Variants in ARG2 observed in about 807,000 individuals in gnomAD.
ARG2 encodes the protein arginase-2, mitochondrial.
A neutral mutation model predicts 39.4 loss-of-function variants in ARG2; 21 were observed. The observed-to-expected ratio is 0.53, with a 90% CI of 0.38 to 0.77. The LOEUF (loss-of-function observed/expected upper bound fraction) is 0.77. ARG2 is among the 30% of genes least tolerant of loss of function. ARG2 has a pLI of 0.00. For missense variants in ARG2, 378 were observed against 426.2 expected (o/e 0.89, Z 1.00); for synonymous variants, 150 against 156.7 (o/e 0.96, Z 0.32).
intron 3 of ARG2, 49 bp downstream of exon 3, chr14:67,642,412 G>T: frequency 6.3e-7 from 1 of 1,588,976 alleles, no homozygotes; most frequent in African/African-American, 1.3e-5. Flanking sequence ...ATGGTGCTTG[G>T]GGCTCATAAC....
At chr14:67,638,584 A>C (rs146527205) in intron 2 of ARG2, among the ~76,000 whole-genome samples, 2 of 152,260 alleles carry the variant, frequency 1.3e-5, no homozygotes, top group Non-Finnish European at 2.9e-5. Context: ...CATTGTCCCA[A>C]GTCCTTACCT....
chr14:67,625,248 G>A (rs2036851548), intron 2 of ARG2, among the ~76,000 whole-genome samples: 1 of 152,050 alleles, frequency 6.6e-6, no homozygotes, highest in Admixed American at 6.6e-5. Context: ...CCATATAACT[G>A]TTAGAGAACA....
Position 67,647,994 on chromosome 14 carries a change from G to A in ARG2, c.723-53G>A. ...AACCATAAGAAGGATGAGTGTCCAA[G>A]GACAACCAGTTAAGTATTATTTTAA... On this transcript the variant is annotated intron_variant, in intron 6 of 7. Transcript: ENST00000261783. 2.0e-6 allele frequency: 3 copies of A among 1,511,396 alleles called. No homozygotes were observed. The South Asian group carries it at 3.6e-5, about 18-fold the overall frequency. The allele number at this position is 1,511,396 out of a possible 1,614,324, so 93.6% of individuals were successfully genotyped here.
At chr14:67,646,762 G>C (rs776423768) in intron 5 of ARG2, 24 bp downstream of exon 5, 1 of 1,578,442 alleles carries the variant, frequency 6.3e-7, no homozygotes, top group South Asian at 1.1e-5. Context: ...TTTGGCTGAA[G>C]TTTAGGGCCT....
chr14:67,634,024 T>C (rs1355897616), intron 2 of ARG2, among the ~76,000 whole-genome samples: 2 of 152,198 alleles, frequency 1.3e-5, no homozygotes, highest in Non-Finnish European at 2.9e-5. Flanking sequence ...TGTGACCTCC[T>C]TGAAGTCTGC....
intron 4 of ARG2, chr14:67,646,441 A>G (rs2037099408): frequency 1.8e-6 from 1 of 558,098 alleles, no homozygotes; most frequent in African/African-American, 1.9e-5. Context: ...TGAGAAAGCA[A>G]TACTGTGTTC....
chr14:67,648,285 G>A (rs2037127480), intron 7 of ARG2, 102 bp downstream of exon 7: 1 of 1,333,000 alleles, frequency 7.5e-7, no homozygotes, highest in Non-Finnish European at 1.0e-6. Context: ...TCATTGCAGA[G>A]TTTGTTTTTG....
At chr14:67,624,575 T>C (rs1303387125) in intron 2 of ARG2, among the ~76,000 whole-genome samples, 1 of 152,092 alleles carries the variant, frequency 6.6e-6, no homozygotes, top group Non-Finnish European at 1.5e-5. Flanking sequence ...TACACACTTT[T>C]AACCGGATCT....
chr14:67,635,710 G>A (rs1374353805), intron 2 of ARG2, among the ~76,000 whole-genome samples: 5 of 152,108 alleles, frequency 3.3e-5, no homozygotes, highest in East Asian at 3.9e-4. Flanking sequence ...AAAATTAGCC[G>A]GGCGTGGTGG....
chr14:67,642,275 G>A lies in ARG2; in HGVS notation c.274G>A (p.Val92Met). Residue 92 changes from valine (V) to methionine (M), a missense_variant, in exon 3 of 8, where the codon GTG (valine) becomes ATG (methionine). Val to Met is a conservative substitution (Grantham distance 21, BLOSUM62 1). Transcript: ENST00000261783. ...CAACCTGATAGTGAATCCACGCTCA[G>A]TGGGTCTTGCCAACCAGGAACTGGC... ...YNNLIVNPRS[V>M]GLANQELAEV... is the part of the protein sequence containing the mutation. The A allele has an allele frequency of 6.2e-7, 1 of 1,614,132 alleles. No individual in the cohort carries two copies. Among genetic ancestry groups the A allele is most frequent in the South Asian group, 1.1e-5 (1 of 91,084 alleles).
chr14:67,633,783 T>C (rs1426058306), intron 2 of ARG2, among the ~76,000 whole-genome samples: 1 of 152,224 alleles, frequency 6.6e-6, no homozygotes, highest in Non-Finnish European at 1.5e-5. Flanking sequence ...TCGGAGGAAT[T>C]GTGCATTGTT....
At position 67,648,142 on chromosome 14, in the gene ARG2, A is replaced by G; in HGVS notation, c.818A>G (p.Tyr273Cys). 1 of 1,614,050 alleles carries G rather than the reference A, an allele frequency of 6.2e-7. No individual in the cohort carries two copies. The highest frequency in any genetic ancestry group is 1.1e-5 in the South Asian group (1 of 91,080). Residue 273 changes from tyrosine (Y) to cysteine (C), a missense_variant, in exon 7 of 8, where the codon TAT (tyrosine) becomes TGT (cysteine). Transcript: ENST00000261783. ...TGTPVVGGLTYREGMYIAEEI... is the reference protein window; with the variant it reads ...TGTPVVGGLTCREGMYIAEEI... Reference sequence around the variant, plus strand: ...ACTCCTGTTGTCGGGGGACTAACCTATCGAGAAGGCATGTATATTGCTGAG... The same window carrying G: ...ACTCCTGTTGTCGGGGGACTAACCTGTCGAGAAGGCATGTATATTGCTGAG...
chr14:67,621,108 C>T (rs1310397205), intron 2 of ARG2, 142 bp downstream of exon 2: 8 of 745,906 alleles, frequency 1.1e-5, no homozygotes, highest in African/African-American at 1.8e-5. Context: ...ATTCCGTCTG[C>T]GGCTTAAGAT....
intron 2 of ARG2, 63 bp downstream of exon 2, chr14:67,621,029 C>A: frequency 1.3e-6 from 2 of 1,486,248 alleles, no homozygotes; most frequent in East Asian, 2.3e-5. Flanking sequence ...AGAGTCTTTT[C>A]TCTGACATCC....
chr14:67,645,708 A>G lies in ARG2; in HGVS notation c.428A>G (p.Asp143Gly). ...CCAGACCTTTGTGTTGTCTGGGTTG[A>G]TGCCCATGCTGACATCAACACACCC... ...HCPDLCVVWV[D>G]AHADINTPLT... is the part of the protein sequence containing the mutation. Residue 143 changes from aspartate to glycine, a missense_variant, in exon 4 of 8, where the codon GAT becomes GGT. Coordinates refer to ENST00000261783, the MANE Select transcript of ARG2 (RefSeq NM_001172.4). 6.2e-7 allele frequency: 1 copy of G among 1,613,996 alleles called. No individual in the cohort carries two copies. The highest frequency in any genetic ancestry group is 8.5e-7 in the Non-Finnish European group (1 of 1,179,946).
intron 3 of ARG2, 86 bp from the exon 4 acceptor site, chr14:67,645,557 A>C (rs1383571356): frequency 2.7e-6 from 4 of 1,468,736 alleles, no homozygotes; most frequent in Non-Finnish European, 3.7e-6. Context: ...CTGTGGAGAG[A>C]GTATAAGTTG....
Position 67,651,012 on chromosome 14 carries a change from A to G in ARG2, c.*92A>G. 1 of 1,291,490 alleles carries G rather than the reference A, an allele frequency of 7.7e-7. No individual in the cohort carries two copies. Among genetic ancestry groups the G allele is most frequent in the Non-Finnish European group, 1.1e-6 (1 of 915,240 alleles). The allele number at this position is 1,291,490 out of a possible 1,614,324, so 80.0% of individuals were successfully genotyped here. ...TGAATACTAAATGGTTGTCTGGGTCAATACTGCCTTAATGAGAACATTTAC... is the reference window on the plus strand; with the variant it reads ...TGAATACTAAATGGTTGTCTGGGTCGATACTGCCTTAATGAGAACATTTAC... On this transcript the variant is annotated 3_prime_UTR_variant, in exon 8 of 8. Coordinates refer to ENST00000261783, the MANE Select transcript of ARG2 (RefSeq NM_001172.4).
In ARG2 at chr14:67,651,584, G is replaced by A. The variant is rs1414165146; in HGVS notation, c.*664G>A. 11 of 1,322,704 alleles carry A rather than the reference G, an allele frequency of 8.3e-6. No individual in the cohort carries two copies. Among genetic ancestry groups the A allele is most frequent in the African/African-American group, 1.5e-5 (1 of 67,648 alleles). 81.9% of individuals were successfully genotyped at this position (1,322,704 alleles called of 1,614,324 possible). A position where few individuals can be genotyped will look rare whatever the true frequency, so the allele number is the denominator to read the frequency against. On this transcript the variant is annotated 3_prime_UTR_variant, in exon 8 of 8. Coordinates refer to ENST00000261783, the MANE Select transcript of ARG2 (RefSeq NM_001172.4). ...GACCACGGCTGGATACTCTGAGGCT[G>A]TATGTTTGATCACACAGCCACTTAG...
chr14:67,631,579 G>A (rs1374756358), intron 2 of ARG2, among the ~76,000 whole-genome samples: 1 of 151,560 alleles, frequency 6.6e-6, no homozygotes, highest in African/African-American at 2.4e-5. Context: ...GGAACTACAG[G>A]GACATGCCAC....
Sources: allele counts gnomAD v4.1 joint callset (sites outside exome capture counted in the v4.1 genomes callset), GRCh38; gene constraint gnomAD v4.1.1; transcripts MANE v1.5; gene names NCBI Gene and HGNC (gene_info 2026-07-23, HGNC 2026-07-21).